The following DOCK8 variants were observed in gnomAD, a reference collection of about 807,000 sequenced individuals.
DOCK8 encodes dedicator of cytokinesis protein 8.
A neutral mutation model predicts 245.6 loss-of-function variants in DOCK8; 141 were observed. That is an observed-to-expected ratio of 0.57 (90% CI 0.50 to 0.66). DOCK8 has a LOEUF of 0.66. DOCK8 is among the 30% of genes least tolerant of loss of function. The probability of loss-of-function intolerance (pLI) is 0.00; values close to 1 mark genes in which losing one functional copy is unlikely to be tolerated. For synonymous variants in DOCK8, 1,168 were observed against 970.2 expected, an observed-to-expected ratio of 1.20 and a Z score of -3.79; for missense variants, 2,965 against 2,603.4, an observed-to-expected ratio of 1.14 and a Z score of -3.02.
At chr9:448,583 T>C (rs2057336097) in intron 44 of DOCK8, among the ~76,000 whole-genome samples, 1 of 152,204 alleles carries the variant, frequency 6.6e-6, no homozygotes, top group Non-Finnish European at 1.5e-5. Context: ...TGTTGGTGCC[T>C]TCTGAGGGCT....
intron 1 of DOCK8, among the ~76,000 whole-genome samples, chr9:266,391 A>G (rs1196004330): frequency 6.6e-6 from 1 of 152,088 alleles, no homozygotes; most frequent in Non-Finnish European, 1.5e-5. Flanking sequence ...GAATGAATGA[A>G]TGAACCAACC....
intron 35 of DOCK8, 62 bp from the exon 36 acceptor site, chr9:429,640 A>G (rs530857619): frequency 4.2e-5 from 68 of 1,600,820 alleles, no homozygotes; most frequent in East Asian, 6.7e-5. Context: ...GCATATTTCA[A>G]CGGTCCAGAA....
At chr9:431,469 C>T (rs1032020710) in intron 36 of DOCK8, among the ~76,000 whole-genome samples, 2 of 152,126 alleles carry the variant, frequency 1.3e-5, no homozygotes, top group Admixed American at 6.5e-5. Context: ...TTGTTGCTTA[C>T]CCGGAGTTCA....
chr9:323,740 CAT>C (rs1274322032), intron 7 of DOCK8, among the ~76,000 whole-genome samples: 1 of 152,196 alleles, frequency 6.6e-6, no homozygotes, highest in Non-Finnish European at 1.5e-5. Flanking sequence ...CTAGGTGCCT[CAT>C]GTAAGGGGAA....
chr9:367,030 T>G (rs10972564), intron 14 of DOCK8, among the ~76,000 whole-genome samples: 36,771 of 152,096 alleles, frequency 0.24, 8,414 homozygotes, highest in African/African-American at 0.61. Context: ...TGATATGGGG[T>G]GTATTACCTA....
At chr9:339,654 A>T (rs1292465538) in intron 13 of DOCK8, among the ~76,000 whole-genome samples, 1 of 152,186 alleles carries the variant, frequency 6.6e-6, no homozygotes, top group Non-Finnish European at 1.5e-5. Context: ...AGCTGGGACT[A>T]CAGGTGCCTG....
At chr9:416,991 G>C (rs1056945896) in intron 29 of DOCK8, among the ~76,000 whole-genome samples, 1 of 152,180 alleles carries the variant, frequency 6.6e-6, no homozygotes, top group African/African-American at 2.4e-5. Flanking sequence ...GCCTTAATAA[G>C]TATTTCTAAA....
chr9:329,998 T>C (rs981953308), intron 9 of DOCK8, among the ~76,000 whole-genome samples: 3 of 152,212 alleles, frequency 2.0e-5, no homozygotes, highest in Non-Finnish European at 4.4e-5. Flanking sequence ...TTTAAATATA[T>C]AGTAAATGGT....
chr9:411,679 G>T (rs997328366), intron 28 of DOCK8, among the ~76,000 whole-genome samples: 3 of 152,104 alleles, frequency 2.0e-5, no homozygotes, highest in South Asian at 2.1e-4. Flanking sequence ...GAATATAGAT[G>T]TAAGACCCTC....
At chr9:315,767 T>G (rs2050317405) in intron 6 of DOCK8, among the ~76,000 whole-genome samples, 1 of 152,308 alleles carries the variant, frequency 6.6e-6, no homozygotes, top group South Asian at 2.1e-4. Context: ...TCTCAACTTT[T>G]GTGTATGTTT....
chr9:422,233 G>A, intron 33 of DOCK8, 98 bp downstream of exon 33: 2 of 995,036 alleles, frequency 2.0e-6, no homozygotes, highest in Admixed American at 1.9e-5. Flanking sequence ...CCTTCCAAGG[G>A]TTAGAAAATG....
At chr9:290,751 TTAG>T (rs2049004805) in intron 4 of DOCK8, among the ~76,000 whole-genome samples, 1 of 152,092 alleles carries the variant, frequency 6.6e-6, no homozygotes, top group Admixed American at 6.5e-5. Context: ...TGACAAGACA[TTAG>T]TAGTTTAAAA....
chr9:442,043 A>T (rs549184181), intron 42 of DOCK8, 34 bp downstream of exon 42: 87 of 1,612,788 alleles, frequency 5.4e-5, no homozygotes, highest in Non-Finnish European at 8.5e-6. Flanking sequence ...CTGACCTGGT[A>T]CACTTTACAA....
At chr9:403,230 A>G (rs1469264824) in intron 26 of DOCK8, among the ~76,000 whole-genome samples, 2 of 152,190 alleles carry the variant, frequency 1.3e-5, no homozygotes, top group Non-Finnish European at 2.9e-5. Context: ...GACCTATGAA[A>G]GATACCCATA....
intron 1 of DOCK8, among the ~76,000 whole-genome samples, chr9:243,443 T>C (rs1005228088): frequency 6.6e-6 from 1 of 152,124 alleles, no homozygotes; most frequent in African/African-American, 2.4e-5. Flanking sequence ...GGGTTCTGTC[T>C]CTCCTCTGCT....
intron 28 of DOCK8, among the ~76,000 whole-genome samples, chr9:412,473 A>G (rs141025039): frequency 6.6e-6 from 1 of 152,018 alleles, no homozygotes; most frequent in Non-Finnish European, 1.5e-5. Flanking sequence ...AAGTAAAACT[A>G]TCTCTATTCA....
At chr9:416,030 G>T (rs562010499) in intron 29 of DOCK8, among the ~76,000 whole-genome samples, 2 of 152,250 alleles carry the variant, frequency 1.3e-5, no homozygotes, top group Non-Finnish European at 2.9e-5. Flanking sequence ...GTATTCCTGT[G>T]GAAGTAATTC....
chr9:419,819 C>T (rs1204826396), intron 30 of DOCK8, among the ~76,000 whole-genome samples: 1 of 152,188 alleles, frequency 6.6e-6, no homozygotes, highest in Admixed American at 6.5e-5. Flanking sequence ...CAGCCCCAGG[C>T]AAACATAAAT....
chr9:374,359 T>C (rs1425816938), intron 18 of DOCK8, among the ~76,000 whole-genome samples: 1 of 152,112 alleles, frequency 6.6e-6, no homozygotes, highest in Non-Finnish European at 1.5e-5. Context: ...ATGTGAAATA[T>C]TGTATTAATA....
Sources: gnomAD v4.1 joint callset for allele counts (sites outside exome capture counted in the v4.1 genomes callset) on GRCh38, gnomAD v4.1.1 for gene constraint, MANE v1.5 for transcripts, NCBI Gene and HGNC (gene_info 2026-07-23, HGNC 2026-07-21) for gene names.